The following MITF variants were observed in gnomAD, a reference collection of about 807,000 sequenced individuals.
MITF encodes the protein microphthalmia-associated transcription factor.
MITF carries 17 observed loss-of-function variants against 60.5 expected under a neutral mutation model. The observed-to-expected ratio is 0.28, with a 90% confidence interval of 0.19 to 0.42. The LOEUF (loss-of-function observed/expected upper bound fraction) is 0.42. Ranked by LOEUF, MITF falls within the 10% of genes least tolerant of loss-of-function variation. The probability of loss-of-function intolerance (pLI) is 1.00; values close to 1 mark genes in which losing one functional copy is unlikely to be tolerated. For synonymous variants in MITF, 260 were observed against 248.5 expected (o/e 1.05, Z -0.43); for missense variants, 622 against 683.5 (o/e 0.91, Z 1.00).
chr3:69,941,084 A>G, intron 4 of MITF, 152 bp from the exon 5 acceptor site: 4 of 607,490 alleles, frequency 6.6e-6, no homozygotes, highest in Admixed American at 2.9e-5. Context: ...TTATACTTCA[A>G]TACTATTTTA....
At chr3:69,858,586 C>A (rs772473053) in intron 1 of MITF, among the ~76,000 whole-genome samples, 4 of 152,046 alleles carry the variant, frequency 2.6e-5, no homozygotes, top group Non-Finnish European at 4.4e-5. Flanking sequence ...TGAATCAGAG[C>A]AGAAGGTTTC....
At chr3:69,926,898 A>G (rs1447106862) in intron 2 of MITF, among the ~76,000 whole-genome samples, 1 of 152,198 alleles carries the variant, frequency 6.6e-6, no homozygotes, top group Non-Finnish European at 1.5e-5. Flanking sequence ...TAACCCCTTC[A>G]TGGGTTTATT....
intron 1 of MITF, among the ~76,000 whole-genome samples, chr3:69,836,933 G>GA (rs778819026): frequency 6.6e-6 from 1 of 152,178 alleles, no homozygotes; most frequent in Non-Finnish European, 1.5e-5. Flanking sequence ...GCGTGTTGTA[G>GA]AACTGATCCA....
At chr3:69,884,692 G>T (rs780982842) in intron 2 of MITF, among the ~76,000 whole-genome samples, 3 of 152,116 alleles carry the variant, frequency 2.0e-5, no homozygotes, top group Non-Finnish European at 4.4e-5. Flanking sequence ...CTTAACACAG[G>T]CTCAGTAGTG....
chr3:69,883,884 C>T (rs2064549364), intron 2 of MITF, among the ~76,000 whole-genome samples: 3 of 152,148 alleles, frequency 2.0e-5, no homozygotes, highest in African/African-American at 7.2e-5. Flanking sequence ...ACACAAACAA[C>T]CTGTCAGCCT....
At chr3:69,845,256 A>G (rs1374942958) in intron 1 of MITF, among the ~76,000 whole-genome samples, 1 of 152,048 alleles carries the variant, frequency 6.6e-6, no homozygotes, top group African/African-American at 2.4e-5. Flanking sequence ...GGTATTAAAT[A>G]TATAAATATT....
chr3:69,919,590 A>G (rs1423084366), intron 2 of MITF, among the ~76,000 whole-genome samples: 3 of 152,140 alleles, frequency 2.0e-5, no homozygotes, highest in Admixed American at 6.6e-5. Flanking sequence ...ACTCTTTATT[A>G]TGGAAAATTT....
chr3:69,789,353 G>A (rs915762684), intron 1 of MITF, among the ~76,000 whole-genome samples: 7 of 152,190 alleles, frequency 4.6e-5, no homozygotes. Flanking sequence ...TTCTCCAGAA[G>A]TGGTATACAG....
At chr3:69,792,478 G>A (rs192173298) in intron 1 of MITF, among the ~76,000 whole-genome samples, 11 of 151,362 alleles carry the variant, frequency 7.3e-5, no homozygotes, top group African/African-American at 2.4e-5. Flanking sequence ...AAAGAATAAC[G>A]ATAGTGTATA....
chr3:69,890,954 T>C (rs2064746269), intron 2 of MITF, among the ~76,000 whole-genome samples: 1 of 152,102 alleles, frequency 6.6e-6, no homozygotes, highest in South Asian at 2.1e-4. Flanking sequence ...GGAGCAAAAA[T>C]GTTAACCATG....
intron 1 of MITF, among the ~76,000 whole-genome samples, chr3:69,801,554 G>C (rs1037693346): frequency 6.6e-5 from 10 of 152,168 alleles, no homozygotes; most frequent in Middle Eastern, 3.2e-3. Context: ...GGGTTGTGAA[G>C]CATTGCTGCA....
intron 1 of MITF, among the ~76,000 whole-genome samples, chr3:69,766,151 G>A (rs1256468734): frequency 1.3e-5 from 2 of 151,524 alleles, no homozygotes. Flanking sequence ...ACTGGAGTAT[G>A]CATTAAATGA....
At chr3:69,764,010 T>C (rs2062251762) in intron 1 of MITF, 2 of 1,175,354 alleles carry the variant, frequency 1.7e-6, no homozygotes, top group South Asian at 1.4e-5. Flanking sequence ...TTAAGGGATG[T>C]CAATCTTTAT....
intron 2 of MITF, among the ~76,000 whole-genome samples, chr3:69,895,333 C>T (rs769331645): frequency 6.6e-6 from 1 of 152,060 alleles, no homozygotes; most frequent in African/African-American, 2.4e-5. Flanking sequence ...TTTTTAGATA[C>T]GCTATTATTT....
At chr3:69,760,812 G>A in intron 1 of MITF, among the ~76,000 whole-genome samples, 1 of 152,108 alleles carries the variant, frequency 6.6e-6, no homozygotes, top group Non-Finnish European at 1.5e-5. Context: ...GCTTACTCAG[G>A]GCCTAGAGGA....
At chr3:69,752,010 C>A in intron 1 of MITF, 1 of 152,282 alleles carries the variant, frequency 6.6e-6, no homozygotes, top group Admixed American at 6.5e-5. Context: ...AGATGCCTCA[C>A]TCCCCTTTTG....
intron 1 of MITF, among the ~76,000 whole-genome samples, chr3:69,847,062 A>T (rs1234645978): frequency 6.6e-6 from 1 of 152,140 alleles, no homozygotes; most frequent in Non-Finnish European, 1.5e-5. Flanking sequence ...TCTTGAGGGC[A>T]TTAGTGTCAC....
chr3:69,870,380 G>GTA (rs1404857671), intron 1 of MITF, among the ~76,000 whole-genome samples: 3 of 147,746 alleles, frequency 2.0e-5, no homozygotes, highest in East Asian at 2.0e-4. Flanking sequence ...ACGTGTGTGT[G>GTA]TATATATATG....
chr3:69,792,026 C>T lies in MITF; in HGVS notation c.104+52325C>T, dbSNP rs190688102. 2.6e-3 allele frequency among the ~76,000 whole-genome samples: 394 copies of T among 152,296 alleles called. 1 individual carries two copies. The highest frequency in any genetic ancestry group is 0.011 in the South Asian group (52 of 4,820). ...TGAGAGTTGCTCCTTGAAGTAGAGA[C>T]GGATGTGCTGAATCCTCATCTGTAC... On this transcript the variant is annotated intron_variant, in intron 1 of 9. Coordinates refer to ENST00000352241, the MANE Select transcript of MITF (RefSeq NM_001354604.2).
Sources: gnomAD v4.1 joint callset for allele counts (sites outside exome capture counted in the v4.1 genomes callset) on GRCh38, gnomAD v4.1.1 for gene constraint, MANE v1.5 for transcripts, NCBI Gene and HGNC (gene_info 2026-07-23, HGNC 2026-07-21) for gene names.